The following ADAMTS1 variants were observed in gnomAD, a reference collection of about 807,000 sequenced individuals.
ADAMTS1 encodes the protein ADAM metallopeptidase with thrombospondin type 1 motif 1.
ADAMTS1 carries 19 observed loss-of-function variants against 87.9 expected under a neutral mutation model. The ratio of observed to expected loss-of-function variants is 0.22; its 90% CI spans 0.15 to 0.32. The LOEUF (loss-of-function observed/expected upper bound fraction) is 0.32. Ranked by LOEUF, ADAMTS1 falls within the 10% of genes least tolerant of loss-of-function variation. The pLI is 1.00. For missense variants in ADAMTS1, 1,240 were observed against 1,259.1 expected, an observed-to-expected ratio of 0.98 and a Z score of 0.23; for synonymous variants, 542 against 501.8, an observed-to-expected ratio of 1.08 and a Z score of -1.07.
intron 8 of ADAMTS1, 33 bp downstream of exon 8, chr21:26,838,406 A>G (rs762246487): frequency 1.2e-5 from 20 of 1,611,858 alleles, no homozygotes; most frequent in Admixed American, 1.7e-5. Flanking sequence ...CATTTAAATT[A>G]TAAGGTCTGC....
chr21:26,839,708 G>A lies in ADAMTS1; in HGVS notation c.1907C>T (p.Ser636Phe), dbSNP rs779464611. The change falls in exon 7 of 9, where the codon TCC becomes TTC. Residue 636 changes from serine to phenylalanine, a missense_variant. Physicochemically the swap from Ser to Phe is radical, Grantham distance 155. Around this residue, in one of 3 missense-constraint regions of ADAMTS1, gnomAD observed 317 missense variants for 410.3 expected, o/e 0.77. Transcript: ENST00000284984. ...CEAHNEFSKASFGSGPAVEWI... is the reference protein window; with the variant it reads ...CEAHNEFSKAFFGSGPAVEWI... ...TTCCACCGCAGGCCCACTCCCAAAG[G>A]AAGCTTTTGAAAACTCGTTGTGTGC... 1 of 1,613,414 alleles carries A rather than the reference G, an allele frequency of 6.2e-7. No homozygotes were observed. The highest frequency in any genetic ancestry group is 1.1e-5 in the South Asian group (1 of 91,066).
chr21:26,838,784 T>C (rs1432684091), intron 7 of ADAMTS1, 170 bp from the exon 8 acceptor site: 1 of 611,806 alleles, frequency 1.6e-6, no homozygotes, highest in Non-Finnish European at 2.8e-6. Context: ...TATTTTTCAG[T>C]ACTACGTATA....
intron 3 of ADAMTS1, 84 bp downstream of exon 3, chr21:26,841,774 T>A: frequency 6.9e-7 from 1 of 1,459,622 alleles, no homozygotes; most frequent in Non-Finnish European, 9.2e-7. Context: ...AATAGCAATA[T>A]AACCTACAGA....
At chr21:26,839,799 C>T (rs755533094) in intron 6 of ADAMTS1, 37 bp from the exon 7 acceptor site, 394 of 1,602,658 alleles carry the variant, frequency 2.5e-4, no homozygotes, top group Non-Finnish European at 3.3e-4. Flanking sequence ...TATCAGTTTC[C>T]AATCTTGAGC....
rs1046115170 is a variant in ADAMTS1, at chr21:26,836,362, G to A, written c.*1217C>T. ...ATTTTATATGCACTTCCACAAAAGC[G>A]ATATAATTTAAAAGTTTTTTTCATT... On this transcript the variant is annotated 3_prime_UTR_variant, in exon 9 of 9. Coordinates refer to ENST00000284984, the MANE Select transcript of ADAMTS1 (RefSeq NM_006988.5). The A allele has an allele frequency of 2.0e-5, 3 of 152,300 alleles. No individual in the cohort carries two copies. Among genetic ancestry groups the A allele is most frequent in the Non-Finnish European group, 2.9e-5 (2 of 67,962 alleles). The allele number at this position is 152,300 out of a possible 1,614,324, so 9.4% of individuals were successfully genotyped here.
Position 26,841,999 on chromosome 21 carries a change from A to G in ADAMTS1, c.1078-9T>C. 6.2e-7 allele frequency: 1 copy of G among 1,613,116 alleles called. No individual in the cohort carries two copies. Among genetic ancestry groups the G allele is most frequent in the African/African-American group, 1.3e-5 (1 of 74,990 alleles). On this transcript the variant is annotated splice_polypyrimidine_tract_variant and intron_variant, in intron 2 of 8. Coordinates refer to ENST00000284984, the MANE Select transcript of ADAMTS1 (RefSeq NM_006988.5). ...TGGGACCCACACAAGTCCTACAAAA[A>G]GCAAAGGTAAATACTTATTAATAAG...
chr21:26,845,159 A>C lies in ADAMTS1; in HGVS notation c.-205T>G, dbSNP rs1208605141. The C allele has an allele frequency of 1.5e-6, 1 of 649,288 alleles. No individual in the cohort carries two copies. The highest frequency in any genetic ancestry group is 2.2e-6 in the Non-Finnish European group (1 of 452,260). 40.2% of individuals were successfully genotyped at this position (649,288 alleles called of 1,614,324 possible). A position where few individuals can be genotyped will look rare whatever the true frequency, so the allele number is the denominator to read the frequency against. On this transcript the variant is annotated 5_prime_UTR_variant, in exon 1 of 9. Transcript: ENST00000284984. ...CGCTGCAGTTCTGCCGGCGCGCGGG[A>C]AGTTTTTCTTCCAGCGCAAAGTTGG...
Position 26,840,534 on chromosome 21 carries a change from ATTC to A in ADAMTS1, c.1404_1406del (p.Gln468_Asn469delinsHis), listed in dbSNP as rs779975522. ...GGAGATCGCCTGGGAGCTGTATGGG[ATTC>A]TGAGGCTTGTCCATCAAACATTCCC... On this transcript the variant is annotated inframe_deletion, in exon 5 of 9. Coordinates refer to ENST00000284984, the MANE Select transcript of ADAMTS1 (RefSeq NM_006988.5). The A allele has an allele frequency of 1.2e-6, 2 of 1,614,124 alleles. No individual in the cohort carries two copies. Among genetic ancestry groups the A allele is most frequent in the East Asian group, 4.5e-5 (2 of 44,884 alleles).
rs1191349682 is a variant in ADAMTS1, at chr21:26,838,205, C to T, written c.2278G>A (p.Gly760Arg). 1.2e-6 allele frequency: 2 copies of T among 1,613,912 alleles called. No homozygotes were observed. Among genetic ancestry groups the T allele is most frequent in the Middle Eastern group, 1.6e-4 (1 of 6,082 alleles). ...NIEVKQRNQR[G>R]SRNNGSFLAI... is the part of the protein sequence containing the mutation. ...AGAAAGCTGCCATTGTTCCTGGATCCCCTCTGGTTCCGCTGTTTCACTTCG... is the reference window on the plus strand; with the variant it reads ...AGAAAGCTGCCATTGTTCCTGGATCTCCTCTGGTTCCGCTGTTTCACTTCG... Residue 760 changes from glycine (G) to arginine (R), a missense_variant, in exon 9 of 9, where the codon GGA becomes AGA. Transcript: ENST00000284984.
chr21:26,844,682 G>A lies in ADAMTS1; in HGVS notation c.273C>T (p.Pro91=). The A allele has an allele frequency of 2.5e-6, 4 of 1,595,174 alleles. No individual in the cohort carries two copies. The highest frequency in any genetic ancestry group is 3.4e-6 in the Non-Finnish European group (4 of 1,171,428). The change falls in exon 1 of 9, where the codon CCC becomes CCT. Residue 91 remains proline (P), a synonymous_variant. Coordinates refer to ENST00000284984, the MANE Select transcript of ADAMTS1 (RefSeq NM_006988.5). The part of the protein sequence containing the change: ...FDQQLDLELR[P]DSSFLAPGFT... ...AGCCGGGCGCCAAAAAGCTGCTGTC[G>A]GGCCGCAGCTCCAGATCCAGCTGCT...
At position 26,844,543 on chromosome 21, in the gene ADAMTS1, C is replaced by T. The variant is rs140025782; in HGVS notation, c.412G>A (p.Ala138Thr). 9 of 1,605,742 alleles carry T rather than the reference C, an allele frequency of 5.6e-6. No homozygotes were observed. The East Asian group carries it at 1.3e-4, about 24-fold the overall frequency. Residue 138 changes from alanine (A) to threonine (T), a missense_variant, in exon 1 of 9, where the codon GCC becomes ACC. Ala to Thr is a moderately conservative substitution (Grantham distance 58, BLOSUM62 0). This residue lies in a region of ADAMTS1 where 521 missense variants were observed against 449.7 expected (regional missense o/e 1.16). Transcript: ENST00000284984. Reference sequence around the variant, plus strand: ...CGCACGCCCTCGCAGAGGCTGAGGGCGGCAGCCGAGCTGGGATCGCCATTC... The same window carrying T: ...CGCACGCCCTCGCAGAGGCTGAGGGTGGCAGCCGAGCTGGGATCGCCATTC... ...TVNGDPSSAA[A>T]LSLCEGVRGA...
Position 26,837,166 on chromosome 21 carries a change from A to C in ADAMTS1, c.*413T>G. ...AGGTAAAGTAAAACAGGTCTTAGTAAAATCTCACTTTTCTCCTACTTTTCA... is the reference window on the plus strand; with the variant it reads ...AGGTAAAGTAAAACAGGTCTTAGTACAATCTCACTTTTCTCCTACTTTTCA... On this transcript the variant is annotated 3_prime_UTR_variant, in exon 9 of 9. Coordinates refer to ENST00000284984, the MANE Select transcript of ADAMTS1 (RefSeq NM_006988.5). The C allele has an allele frequency of 5.9e-6, 1 of 168,652 alleles. No individual in the cohort carries two copies. The highest frequency in any genetic ancestry group is 1.3e-5 in the Non-Finnish European group (1 of 76,614). 10.4% of individuals were successfully genotyped at this position (168,652 alleles called of 1,614,324 possible). A position where few individuals can be genotyped will look rare whatever the true frequency, so the allele number is the denominator to read the frequency against.
rs1375980249 is a variant in ADAMTS1 at position 26,844,779 on chromosome 21, T to G, written c.176A>C (p.Glu59Ala). ...ALGRPSEEDE[E>A]LVVPELERAP... ...GCGCTCCAGCTCCGGCACCACTAGC[T>G]CCTCGTCCTCCTCGGAGGGGCGCCC... is the stretch of plus-strand genomic sequence containing the variant. Residue 59 changes from glutamate (E) to alanine (A), a missense_variant, in exon 1 of 9, where the codon GAG becomes GCG. By Grantham distance (107) the Glu-to-Ala change is moderately radical (BLOSUM62 -1). This residue lies in a region of ADAMTS1 where 521 missense variants were observed against 449.7 expected (regional missense o/e 1.16). Transcript: ENST00000284984. 1 of 1,545,740 alleles carries G rather than the reference T, an allele frequency of 6.5e-7. No homozygotes were observed. The highest frequency in any genetic ancestry group is 8.7e-7 in the Non-Finnish European group (1 of 1,143,584).
Position 26,838,030 on chromosome 21 carries a change from T to C in ADAMTS1, c.2453A>G (p.Lys818Arg), listed in dbSNP as rs2123315553. ...AAGAACCTGGATGGTCAAGGGCTCT[T>C]TGAGAGGGCTAAAGCTGCGAATTCT... ...LERIRSFSPL[K>R]EPLTIQVLTV... Residue 818 changes from lysine (K) to arginine (R), a missense_variant, in exon 9 of 9, where the codon AAA becomes AGA. Around this residue, in one of 3 missense-constraint regions of ADAMTS1, gnomAD observed 402 missense variants for 399.1 expected, o/e 1.01. Coordinates refer to ENST00000284984, the MANE Select transcript of ADAMTS1 (RefSeq NM_006988.5). The C allele has an allele frequency of 6.2e-7, 1 of 1,614,210 alleles. No homozygotes were observed. The highest frequency in any genetic ancestry group is 8.5e-7 in the Non-Finnish European group (1 of 1,180,042).
chr21:26,839,713 T>G lies in ADAMTS1; in HGVS notation c.1902A>C (p.Lys634Asn). The change falls in exon 7 of 9, where the codon AAA (lysine) becomes AAC (asparagine). Residue 634 changes from lysine to asparagine, a missense_variant. Lys to Asn is a moderately conservative substitution (Grantham distance 94). Coordinates refer to ENST00000284984, the MANE Select transcript of ADAMTS1 (RefSeq NM_006988.5). ...EQCEAHNEFS[K>N]ASFGSGPAVE... ...CCGCAGGCCCACTCCCAAAGGAAGC[T>G]TTTGAAAACTCGTTGTGTGCTTCAC... 1 of 1,613,414 alleles carries G rather than the reference T, an allele frequency of 6.2e-7. No individual in the cohort carries two copies. The highest frequency in any genetic ancestry group is 8.5e-7 in the Non-Finnish European group (1 of 1,179,376).
intron 1 of ADAMTS1, chr21:26,843,748 A>C (rs769233134): frequency 6.0e-6 from 3 of 496,278 alleles, no homozygotes; most frequent in Non-Finnish European, 1.2e-5. Context: ...GTACCTTCCC[A>C]GGTCACCATT....
chr21:26,844,685 C>G lies in ADAMTS1; in HGVS notation c.270G>C (p.Arg90=). 1 of 1,594,588 alleles carries G rather than the reference C, an allele frequency of 6.3e-7. No individual in the cohort carries two copies. Among genetic ancestry groups the G allele is most frequent in the South Asian group, 1.1e-5 (1 of 88,244 alleles). Residue 90 remains arginine, a synonymous_variant, in exon 1 of 9, where the codon CGG becomes CGC. Transcript: ENST00000284984. ...CGGGCGCCAAAAAGCTGCTGTCGGG[C>G]CGCAGCTCCAGATCCAGCTGCTGGT... ...AFDQQLDLEL[R]PDSSFLAPGF... is the part of the protein sequence containing the mutation.
intron 2 of ADAMTS1, 146 bp from the exon 3 acceptor site, chr21:26,842,136 C>G: frequency 9.0e-7 from 1 of 1,111,280 alleles, no homozygotes; most frequent in Non-Finnish European, 1.3e-6. Flanking sequence ...TGACTTTAAT[C>G]AAGCTTTTTT....
chr21:26,841,351 C>A (rs1020604803), intron 3 of ADAMTS1, 186 bp from the exon 4 acceptor site: 7 of 553,278 alleles, frequency 1.3e-5, no homozygotes, highest in Admixed American at 9.8e-5. Flanking sequence ...TGGTGGCATG[C>A]ACCTGTAATC....
Sources: gnomAD v4.1 joint callset for allele counts on GRCh38, gnomAD v4.1.1 for gene constraint, gnomAD v4.1.1 regional missense constraint, MANE v1.5 for transcripts, NCBI Gene and HGNC (gene_info 2026-07-23, HGNC 2026-07-21) for gene names.